Variants in CREB3L1 observed in about 807,000 individuals in gnomAD.
CREB3L1 encodes cAMP responsive element binding protein 3 like 1.
A neutral mutation model predicts 54.5 loss-of-function variants in CREB3L1; 33 were observed. That is an observed-to-expected ratio of 0.61 (90% CI 0.46 to 0.81). CREB3L1 has a LOEUF of 0.81. Ranked by LOEUF, CREB3L1 falls within the 30% of genes least tolerant of loss-of-function variation. The pLI is 0.00. For synonymous variants in CREB3L1, 284 were observed against 286.4 expected (o/e 0.99, Z 0.08); for missense variants, 656 against 673.3 (o/e 0.97, Z 0.29).
intron 5 of CREB3L1, among the ~76,000 whole-genome samples, chr11:46,311,785 C>T (rs540443050): frequency 1.3e-5 from 2 of 152,302 alleles, no homozygotes; most frequent in South Asian, 2.1e-4. Flanking sequence ...CGTGAGCCAC[C>T]GCATCTGGTC....
chr11:46,307,980 A>G lies in CREB3L1; in HGVS notation c.496A>G (p.Arg166Gly). 1 of 1,553,786 alleles carries G rather than the reference A, an allele frequency of 6.4e-7. No individual in the cohort carries two copies. Among genetic ancestry groups the G allele is most frequent in the Non-Finnish European group, 8.7e-7 (1 of 1,151,530 alleles). ...TPLLGLSPLS[R>G]LPIPHQAPGE... ...GCTGCTGGGCCTCAGCCCCTTGTCCAGGCTGCCCATCCCCCACCAGGTGAG... is the reference window on the plus strand; with the variant it reads ...GCTGCTGGGCCTCAGCCCCTTGTCCGGGCTGCCCATCCCCCACCAGGTGAG... The change falls in exon 3 of 12, where the codon AGG (arginine) becomes GGG (glycine). Residue 166 changes from arginine to glycine, a missense_variant. Physicochemically the swap from Arg to Gly is moderately radical, Grantham distance 125 (BLOSUM62 -2). Transcript: ENST00000621158.
rs1263747337 is a variant in CREB3L1 at position 46,305,776 on chromosome 11, C to T, written c.332-2040C>T. Reference sequence around the variant, plus strand: ...TTTTTAAGACGGAGTCTCGCTCTGTCGCCCAGGCTGGAGTGCAGTGGCGCA... The same window carrying T: ...TTTTTAAGACGGAGTCTCGCTCTGTTGCCCAGGCTGGAGTGCAGTGGCGCA... On this transcript the variant is annotated intron_variant, in intron 2 of 11. Transcript: ENST00000621158. 6.1e-5 allele frequency among the ~76,000 whole-genome samples: 9 copies of T among 147,868 alleles called. No individual in the cohort carries two copies. The Admixed American group carries it at 6.1e-4, about 10-fold the overall frequency.
rs764216900 is a variant in CREB3L1 at position 46,317,379 on chromosome 11, G to T, written c.1150G>T (p.Val384Phe). 3.3e-5 allele frequency: 54 copies of T among 1,613,832 alleles called. 1 individual carries two copies. Among genetic ancestry groups the T allele is most frequent in the Non-Finnish European group, 4.3e-5 (51 of 1,179,880 alleles). The part of the protein sequence containing the change: ...TCLMVAALCF[V>F]LVLGSLVPCL... Reference sequence around the variant, plus strand: ...CTACCAGGTGGCAGCCTTGTGCTTTGTTCTGGTGCTGGGCTCCCTCGTGCC... The same window carrying T: ...CTACCAGGTGGCAGCCTTGTGCTTTTTTCTGGTGCTGGGCTCCCTCGTGCC... Residue 384 changes from valine (V) to phenylalanine (F), a missense_variant, in exon 10 of 12, where the codon GTT becomes TTT. This residue lies in a region of CREB3L1 where 240 missense variants were observed against 219.8 expected (regional missense o/e 1.09). Coordinates refer to ENST00000621158, the MANE Select transcript of CREB3L1 (RefSeq NM_052854.4).
At chr11:46,300,876 G>T (rs1169509512) in intron 2 of CREB3L1, among the ~76,000 whole-genome samples, 2 of 152,136 alleles carry the variant, frequency 1.3e-5, no homozygotes, top group Non-Finnish European at 2.9e-5. Context: ...GTGGTGGCGG[G>T]CGCCTGTAGT....
chr11:46,291,834 G>A (rs1402286361), intron 1 of CREB3L1, among the ~76,000 whole-genome samples: 1 of 152,196 alleles, frequency 6.6e-6, no homozygotes, highest in Non-Finnish European at 1.5e-5. Context: ...TGAAAGAAGG[G>A]AGTAAATAAG....
intron 3 of CREB3L1, among the ~76,000 whole-genome samples, chr11:46,308,745 A>T (rs1939440751): frequency 6.6e-6 from 1 of 152,230 alleles, no homozygotes; most frequent in African/African-American, 2.4e-5. Flanking sequence ...CACACGGCTC[A>T]CTTGCTCTAA....
intron 1 of CREB3L1, among the ~76,000 whole-genome samples, chr11:46,280,354 A>T (rs535759547): frequency 4.0e-5 from 6 of 150,378 alleles, no homozygotes; most frequent in African/African-American, 4.9e-5. Flanking sequence ...CGCCCGGCTA[A>T]TTTTTTTTTA....
rs2136360929 is a variant in CREB3L1 at position 46,320,400 on chromosome 11, CCACCTGCAGCATGAT to C, written c.1402_1416del (p.Gln468_Leu472del). On this transcript the variant is annotated inframe_deletion, in exon 11 of 12. Transcript: ENST00000621158. ...GGCCGGCAGAGCAGCGGCCCCGGGA[CCACCTGCAGCATGAT>C]CACCTGGACAGCACCCACGAGACCA... The C allele has an allele frequency of 6.2e-7, 1 of 1,611,186 alleles. No homozygotes were observed. The highest frequency in any genetic ancestry group is 8.5e-7 in the Non-Finnish European group (1 of 1,178,774).
In CREB3L1 at chr11:46,310,255, T is replaced by TTTTGTTTG. The variant is rs10629837; in HGVS notation, c.595+208_595+215dup. ...TCGTCTAGTCCTCTTCGTTTTTGTT[T>TTTTGTTTG]TTTGTTTGTTTGTTTGTTTGTTTGT... On this transcript the variant is annotated intron_variant, in intron 4 of 11. Transcript: ENST00000621158. Among the ~76,000 whole-genome samples, 354 of 150,118 alleles carry TTTTGTTTG rather than the reference T, an allele frequency of 2.4e-3. 4 individuals are homozygous for TTTTGTTTG. The highest frequency in any genetic ancestry group is 7.2e-3 in the African/African-American group (291 of 40,224).
intron 4 of CREB3L1, 21 bp downstream of exon 4, chr11:46,310,088 G>A (rs1398810601): frequency 4.6e-6 from 7 of 1,535,622 alleles, no homozygotes; most frequent in Non-Finnish European, 5.3e-6. Context: ...CCAGGGGAAG[G>A]GCTCTTTTCC....
chr11:46,312,037 G>A (rs1179969813), intron 5 of CREB3L1, among the ~76,000 whole-genome samples: 3 of 152,160 alleles, frequency 2.0e-5, no homozygotes, highest in Non-Finnish European at 4.4e-5. Context: ...GGGAGATGCT[G>A]TTTGGGGCAC....
At chr11:46,280,180 T>C (rs2136332416) in intron 1 of CREB3L1, among the ~76,000 whole-genome samples, 1 of 144,992 alleles carries the variant, frequency 6.9e-6, no homozygotes, top group Non-Finnish European at 1.5e-5. Context: ...TGTTTTTTTT[T>C]TTGTTTTTTG....
In CREB3L1 at chr11:46,305,688, A is replaced by ATG. The variant is rs1277805429; in HGVS notation, c.332-2127_332-2126insGT. 5.0e-3 allele frequency among the ~76,000 whole-genome samples: 359 copies of ATG among 71,818 alleles called. 1 individual carries two copies. Among genetic ancestry groups the ATG allele is most frequent in the Middle Eastern group, 0.012 (2 of 170 alleles). The allele number at this position is 71,818 out of a possible 152,430, so 47.1% of individuals were successfully genotyped here. A position where few individuals can be genotyped will look rare whatever the true frequency, so the allele number is the denominator to read the frequency against. On this transcript the variant is annotated intron_variant, in intron 2 of 11. Transcript: ENST00000621158. ...TGTATATATATGTGTGTGTGTGTAT[A>ATG]TATGTGTGTGTGTGTGTGTGTGTGT...
chr11:46,277,974 CCGCCCCTCCCCCGGGGCTT>C lies in CREB3L1; in HGVS notation c.-131_-113del, dbSNP rs1438509359. On this transcript the variant is annotated 5_prime_UTR_variant, in exon 1 of 12. Transcript: ENST00000621158. Reference sequence around the variant, plus strand: ...CCACCCGGGGCCGCGCCGCCTCCGTCCGCCCCTCCCCCGGGGCTTCGCCCCGGACCTGCCCCCCGCCCGT... The same window carrying C: ...CCACCCGGGGCCGCGCCGCCTCCGTCCGCCCCGGACCTGCCCCCCGCCCGT... The C allele has an allele frequency of 1.1e-4, 49 of 428,140 alleles. No homozygotes were observed. The highest frequency in any genetic ancestry group is 8.4e-4 in the African/African-American group (41 of 48,720). 26.5% of individuals were successfully genotyped at this position (428,140 alleles called of 1,614,324 possible).
chr11:46,319,093 A>G (rs1472684322), intron 10 of CREB3L1, among the ~76,000 whole-genome samples: 1 of 152,226 alleles, frequency 6.6e-6, no homozygotes, highest in Non-Finnish European at 1.5e-5. Flanking sequence ...GTTGATGGAT[A>G]AAGCCACAGT....
intron 1 of CREB3L1, among the ~76,000 whole-genome samples, chr11:46,280,310 C>T (rs946217479): frequency 6.6e-6 from 1 of 151,954 alleles, no homozygotes; most frequent in East Asian, 1.9e-4. Context: ...GTCTCAGCGT[C>T]CCGAGTAGCT....
At chr11:46,282,048 A>T (rs558856808) in intron 1 of CREB3L1, among the ~76,000 whole-genome samples, 9 of 152,278 alleles carry the variant, frequency 5.9e-5, no homozygotes, top group African/African-American at 2.2e-4. Context: ...GTGTTGAGGG[A>T]ACAGTTCCTT....
At chr11:46,306,377 G>A (rs892151057) in intron 2 of CREB3L1, among the ~76,000 whole-genome samples, 3 of 152,064 alleles carry the variant, frequency 2.0e-5, no homozygotes, top group African/African-American at 4.8e-5. Flanking sequence ...GGTGGCATGC[G>A]CCTGTAGTCC....
chr11:46,320,037 C>A (rs1229714539), intron 10 of CREB3L1, among the ~76,000 whole-genome samples: 2 of 152,166 alleles, frequency 1.3e-5, no homozygotes, highest in East Asian at 1.9e-4. Context: ...TCATTTAAAC[C>A]TCTCATTTAC....
Sources: allele counts gnomAD v4.1 joint callset (sites outside exome capture counted in the v4.1 genomes callset), GRCh38; gene constraint gnomAD v4.1.1; regional missense constraint gnomAD v4.1.1; transcripts MANE v1.5; gene names NCBI Gene and HGNC (gene_info 2026-07-23, HGNC 2026-07-21).